Variants in GLT1D1 observed in about 807,000 individuals in gnomAD.
GLT1D1 encodes glycosyltransferase 1 domain-containing protein 1.
Under a neutral mutation model 28.7 loss-of-function variants are expected in GLT1D1, and 21 were observed. That is an observed-to-expected ratio of 0.73 (90% confidence interval 0.52 to 1.05). GLT1D1 has a LOEUF of 1.05. Ranked by LOEUF, GLT1D1 falls within the 50% of genes least tolerant of loss-of-function variation. The probability of loss-of-function intolerance (pLI) is 0.00; values close to 1 mark genes in which losing one functional copy is unlikely to be tolerated. For synonymous variants in GLT1D1, 147 were observed against 124.8 expected, an observed-to-expected ratio of 1.18 and a Z score of -1.19; for missense variants, 343 against 330.6, an observed-to-expected ratio of 1.04 and a Z score of -0.29.
intron 4 of GLT1D1, among the ~76,000 whole-genome samples, chr12:128,914,074 A>G (rs1310193406): frequency 6.6e-6 from 1 of 152,216 alleles, no homozygotes; most frequent in Non-Finnish European, 1.5e-5. Flanking sequence ...CTTACATTTT[A>G]TAAAATTTCA....
chr12:128,956,822 T>C (rs1217355273), intron 6 of GLT1D1, among the ~76,000 whole-genome samples: 2 of 152,248 alleles, frequency 1.3e-5, no homozygotes, highest in Non-Finnish European at 2.9e-5. Flanking sequence ...TTTTTGAAGT[T>C]GCAAAATTGT....
intron 2 of GLT1D1, among the ~76,000 whole-genome samples, chr12:128,879,392 TTC>T (rs1230045613): frequency 1.4e-5 from 1 of 72,372 alleles, no homozygotes; most frequent in Non-Finnish European, 2.6e-5. Context: ...CTTTCTTTCT[TTC>T]TTTCTTTCTT....
intron 4 of GLT1D1, among the ~76,000 whole-genome samples, chr12:128,932,451 C>T (rs1874021907): frequency 6.6e-6 from 1 of 152,178 alleles, no homozygotes; most frequent in Admixed American, 6.5e-5. Context: ...AGCAGAGTGT[C>T]CGGGACCCTG....
At chr12:128,962,381 G>A (rs1277893920) in intron 7 of GLT1D1, among the ~76,000 whole-genome samples, 1 of 152,248 alleles carries the variant, frequency 6.6e-6, no homozygotes, top group East Asian at 1.9e-4. Flanking sequence ...TAAGATATCA[G>A]CAATGGCTAT....
intron 1 of GLT1D1, among the ~76,000 whole-genome samples, chr12:128,853,882 C>T (rs1419992488): frequency 6.6e-6 from 1 of 152,166 alleles, no homozygotes; most frequent in Non-Finnish European, 1.5e-5. Context: ...ATTGGCCTCG[C>T]GCTCTCCGGA....
intron 3 of GLT1D1, among the ~76,000 whole-genome samples, chr12:128,889,187 A>G (rs750972601): frequency 1.3e-5 from 2 of 152,122 alleles, no homozygotes; most frequent in African/African-American, 2.4e-5. Flanking sequence ...GGCAAACTCC[A>G]GCCTTAGCAG....
chr12:128,888,826 C>T, intron 3 of GLT1D1, 82 bp downstream of exon 3: 2 of 883,634 alleles, frequency 2.3e-6, no homozygotes. Context: ...CCGAGGGCAC[C>T]AATTGCCGGG....
chr12:128,864,264 A>T (rs1445603253), intron 1 of GLT1D1: 1 of 538,420 alleles, frequency 1.9e-6, no homozygotes, highest in Non-Finnish European at 3.4e-6. Flanking sequence ...TGAGTGTGGG[A>T]TGAAGTTTGC....
intron 4 of GLT1D1, among the ~76,000 whole-genome samples, chr12:128,908,904 G>C (rs934662531): frequency 6.6e-5 from 10 of 152,188 alleles, no homozygotes; most frequent in Admixed American, 3.9e-4. Flanking sequence ...AGCCGAGATC[G>C]CGCCCCTGCA....
intron 7 of GLT1D1, among the ~76,000 whole-genome samples, chr12:128,970,284 G>A (rs1052920999): frequency 3.9e-5 from 6 of 152,174 alleles, no homozygotes; most frequent in African/African-American, 1.2e-4. Flanking sequence ...TGGGCACACC[G>A]TCCTGGGTCC....
chr12:128,935,278 G>A (rs1229444328), intron 4 of GLT1D1, among the ~76,000 whole-genome samples: 3 of 152,158 alleles, frequency 2.0e-5, no homozygotes, highest in Non-Finnish European at 4.4e-5. Flanking sequence ...CGGGCGCGGT[G>A]GCTCACGTCT....
At chr12:128,904,498 T>A (rs745316945) in intron 4 of GLT1D1, among the ~76,000 whole-genome samples, 3 of 151,828 alleles carry the variant, frequency 2.0e-5, no homozygotes, top group African/African-American at 7.3e-5. Flanking sequence ...GTGACAAATA[T>A]TGGACTCGGG....
At position 128,941,393 on chromosome 12, in the gene GLT1D1, C is replaced by G. The variant is rs546575931; in HGVS notation, c.376-3933C>G. Among the ~76,000 whole-genome samples, 213 of 152,246 alleles carry G rather than the reference C, an allele frequency of 1.4e-3. 1 individual carries two copies. In the South Asian group the frequency reaches 0.021, roughly 15 times the overall value. ...CTGCATCATTTAAGCAACACTTCCA[C>G]TGCAATATTGGGTGGTTGTCAAATT... On this transcript the variant is annotated intron_variant, in intron 4 of 7. Coordinates refer to ENST00000281703, the MANE Select transcript of GLT1D1 (RefSeq NM_144669.3).
At chr12:128,860,669 C>T (rs151301480) in intron 1 of GLT1D1, among the ~76,000 whole-genome samples, 18 of 152,196 alleles carry the variant, frequency 1.2e-4, no homozygotes, top group Middle Eastern at 3.4e-3. Context: ...AGTGTGGACT[C>T]GATCCTTCGG....
intron 7 of GLT1D1, among the ~76,000 whole-genome samples, chr12:128,960,189 A>T (rs1243590754): frequency 6.6e-6 from 1 of 151,250 alleles, no homozygotes; most frequent in Non-Finnish European, 1.5e-5. Flanking sequence ...AAAGGATGTT[A>T]AAAAAAATAG....
At chr12:128,901,574 C>T (rs1870269060) in intron 4 of GLT1D1, among the ~76,000 whole-genome samples, 1 of 151,700 alleles carries the variant, frequency 6.6e-6, no homozygotes, top group Non-Finnish European at 1.5e-5. Context: ...GTAGCTGGGA[C>T]TACAGGCGCC....
intron 4 of GLT1D1, among the ~76,000 whole-genome samples, chr12:128,933,085 T>C (rs1005601215): frequency 6.6e-6 from 1 of 152,194 alleles, no homozygotes; most frequent in Non-Finnish European, 1.5e-5. Flanking sequence ...CTTCGCTTGT[T>C]GTTTGTTTTT....
intron 7 of GLT1D1, among the ~76,000 whole-genome samples, chr12:128,965,732 A>AAAAAAAAAAAAG (rs75853652): frequency 1.9e-5 from 2 of 104,572 alleles, no homozygotes; most frequent in Non-Finnish European, 1.8e-5. Context: ...AAAAAAAAAA[A>AAAAAAAAAAAAG]AAAGAAAAAG....
At chr12:128,856,784 T>A (rs1191967602) in intron 1 of GLT1D1, among the ~76,000 whole-genome samples, 3 of 152,048 alleles carry the variant, frequency 2.0e-5, no homozygotes, top group Non-Finnish European at 2.9e-5. Flanking sequence ...CAAAAAAAGA[T>A]GGTGAAACCC....
Sources: allele counts gnomAD v4.1 joint callset (sites outside exome capture counted in the v4.1 genomes callset), GRCh38; gene constraint gnomAD v4.1.1; transcripts MANE v1.5; gene names NCBI Gene and HGNC (gene_info 2026-07-23, HGNC 2026-07-21).